The following RBFOX1 variants were observed in gnomAD, a reference collection of about 807,000 sequenced individuals.
RBFOX1 encodes RNA binding fox-1 homolog 1, also known as RNA binding protein fox-1 homolog 1.
Under a neutral mutation model 57.7 loss-of-function variants are expected in RBFOX1, and 8 were observed. The ratio of observed to expected loss-of-function variants is 0.14; its 90% CI spans 0.08 to 0.25. RBFOX1 has a LOEUF of 0.25. RBFOX1 is among the 10% of genes least tolerant of loss of function. The probability of loss-of-function intolerance (pLI) is 1.00; values close to 1 mark genes in which losing one functional copy is unlikely to be tolerated. For missense variants in RBFOX1, 611 were observed against 548.5 expected (o/e 1.11, Z -1.14); for synonymous variants, 326 against 222.4 (o/e 1.47, Z -4.15).
chr16:7,454,256 C>T (rs571447835), intron 4 of RBFOX1, among the ~76,000 whole-genome samples: 1 of 152,236 alleles, frequency 6.6e-6, no homozygotes, highest in African/African-American at 2.4e-5. Context: ...CAAAAAAAGT[C>T]ATAGCCAATG....
chr16:5,314,355 G>A (rs1384067308), intron 1 of RBFOX1, among the ~76,000 whole-genome samples: 2 of 152,184 alleles, frequency 1.3e-5, no homozygotes, highest in African/African-American at 4.8e-5. Flanking sequence ...GTGCCCCATG[G>A]CACAGGTGAG....
intron 4 of RBFOX1, among the ~76,000 whole-genome samples, chr16:7,329,838 G>A (rs8052016): frequency 6.6e-5 from 10 of 152,134 alleles, no homozygotes; most frequent in East Asian, 1.9e-4. Context: ...CCGGCACAAG[G>A]TATAACTATA....
At chr16:7,164,961 G>A (rs2079116012) in intron 4 of RBFOX1, among the ~76,000 whole-genome samples, 1 of 152,170 alleles carries the variant, frequency 6.6e-6, no homozygotes, top group Non-Finnish European at 1.5e-5. Flanking sequence ...TTGGCAGCGT[G>A]TATCACAGTA....
intron 4 of RBFOX1, among the ~76,000 whole-genome samples, chr16:7,201,871 G>A (rs1053046856): frequency 6.6e-6 from 1 of 152,170 alleles, no homozygotes; most frequent in African/African-American, 2.4e-5. Flanking sequence ...AGATCAGAGG[G>A]AGTATTGATG....
At chr16:6,755,763 G>A (rs185959659) in intron 3 of RBFOX1, among the ~76,000 whole-genome samples, 2 of 152,142 alleles carry the variant, frequency 1.3e-5, no homozygotes, top group Admixed American at 6.5e-5. Flanking sequence ...CTTGTACTTT[G>A]GCCTTCTTTT....
chr16:6,537,404 C>T (rs1273899210), intron 2 of RBFOX1, among the ~76,000 whole-genome samples: 10 of 152,124 alleles, frequency 6.6e-5, no homozygotes, highest in Admixed American at 1.3e-4. Context: ...TATAGAATAG[C>T]TAACATAAAT....
At chr16:5,933,205 G>A (rs1274190700) in intron 4 of RBFOX1, among the ~76,000 whole-genome samples, 2 of 152,150 alleles carry the variant, frequency 1.3e-5, no homozygotes, top group Non-Finnish European at 2.9e-5. Context: ...TGTCTTCTCC[G>A]CATGGCGCCA....
At chr16:6,450,327 G>A (rs987942617) in intron 2 of RBFOX1, among the ~76,000 whole-genome samples, 3 of 152,106 alleles carry the variant, frequency 2.0e-5, no homozygotes, top group Non-Finnish European at 4.4e-5. Context: ...TACCTGCACT[G>A]AATGTTCAAA....
intron 3 of RBFOX1, among the ~76,000 whole-genome samples, chr16:6,730,318 C>G (rs1346812158): frequency 6.6e-6 from 1 of 152,080 alleles, no homozygotes; most frequent in African/African-American, 2.4e-5. Context: ...GAATCTCATT[C>G]TTGCCCAATT....
intron 4 of RBFOX1, among the ~76,000 whole-genome samples, chr16:7,374,151 G>T (rs753129758): frequency 1.3e-5 from 2 of 152,166 alleles, no homozygotes; most frequent in Non-Finnish European, 2.9e-5. Flanking sequence ...GCAGGTGACA[G>T]GGTTTGCAGA....
chr16:6,218,115 A>G (rs1340711942), intron 1 of RBFOX1, among the ~76,000 whole-genome samples: 1 of 152,162 alleles, frequency 6.6e-6, no homozygotes, highest in East Asian at 1.9e-4. Context: ...GTGCTGTTAG[A>G]ATGAGTCCCA....
rs13337507 is a variant in RBFOX1, at chr16:6,914,201, C to G, written c.-15-137856C>G. Among the ~76,000 whole-genome samples the G allele has an allele frequency of 7.4e-3, 1,125 of 152,212 alleles. 7 individuals are homozygous for G. The highest frequency in any genetic ancestry group is 0.025 in the African/African-American group (1,045 of 41,522). On this transcript the variant is annotated intron_variant, in intron 3 of 15. Transcript: ENST00000550418. ...AGATCATCATTTCCTTCTAAAATAC[C>G]TCACTGAGTTTAGCATATTTATTCC...
At chr16:5,435,334 A>G (rs1184242737) in intron 1 of RBFOX1, among the ~76,000 whole-genome samples, 1 of 152,004 alleles carries the variant, frequency 6.6e-6, no homozygotes, top group Non-Finnish European at 1.5e-5. Context: ...TCTGAATTGG[A>G]GGGATGTTTG....
intron 3 of RBFOX1, among the ~76,000 whole-genome samples, chr16:7,049,820 G>A (rs60234459): frequency 0.022 from 3,373 of 152,226 alleles, 127 homozygotes; most frequent in African/African-American, 0.077. Context: ...GTCAAGAACC[G>A]AAACCTCACC....
At position 5,908,068 on chromosome 16, in the gene RBFOX1, A is replaced by ATGTGTGTG. The variant is rs527468172; in HGVS notation, c.351+40736_351+40737insGTGTGTGT. On this transcript the variant is annotated intron_variant, in intron 4 of 19. Coordinates refer to the RBFOX1 transcript ENST00000641259. ...ACCTGGTAGATGTATGTATGTGTGTATGTATATATATATATATACACATAT... is the reference window on the plus strand; with the variant it reads ...ACCTGGTAGATGTATGTATGTGTGTATGTGTGTGTGTATATATATATATATACACATAT... Among the ~76,000 whole-genome samples the ATGTGTGTG allele has an allele frequency of 3.1e-3, 329 of 106,396 alleles. 6 individuals are homozygous for ATGTGTGTG. The highest frequency in any genetic ancestry group is 0.014 in the African/African-American group (310 of 22,588). The allele number at this position is 106,396 out of a possible 152,430, so 69.8% of individuals were successfully genotyped here.
intron 4 of RBFOX1, among the ~76,000 whole-genome samples, chr16:7,092,021 C>CTAATTAGTAAAATTAGTAA (rs2060945603): frequency 6.6e-6 from 1 of 151,936 alleles, no homozygotes; most frequent in Non-Finnish European, 1.5e-5. Context: ...TAAAATTAGT[C>CTAATTAGTAAAATTAGTAA]AATGAGAAAA....
At chr16:5,725,636 T>C (rs1286368458) in intron 3 of RBFOX1, among the ~76,000 whole-genome samples, 2 of 151,420 alleles carry the variant, frequency 1.3e-5, no homozygotes, top group African/African-American at 4.9e-5. Flanking sequence ...AGAGTGCTCA[T>C]AAGATCCTCA....
intron 1 of RBFOX1, among the ~76,000 whole-genome samples, chr16:6,028,509 T>TAAAAAAAAAAAAAA (rs36218292): frequency 9.6e-6 from 1 of 104,520 alleles, no homozygotes; most frequent in African/African-American, 3.5e-5. Context: ...CTGTCTCTGT[T>TAAAAAAAAAAAAAA]AAAAAAAAAA....
chr16:7,101,384 C>G (rs1233622596), intron 4 of RBFOX1, among the ~76,000 whole-genome samples: 1 of 152,148 alleles, frequency 6.6e-6, no homozygotes, highest in African/African-American at 2.4e-5. Flanking sequence ...TCAGTAATTG[C>G]AAGGAAACTC....
Sources: allele counts gnomAD v4.1 joint callset (sites outside exome capture counted in the v4.1 genomes callset), GRCh38; gene constraint gnomAD v4.1.1; transcripts MANE v1.5; gene names NCBI Gene and HGNC (gene_info 2026-07-23, HGNC 2026-07-21).